GRIK2: variants seen among roughly 807,000 people sequenced by gnomAD.
GRIK2 encodes glutamate receptor ionotropic, kainate 2.
Under a neutral mutation model 100.3 loss-of-function variants are expected in GRIK2, and 32 were observed. The ratio of observed to expected loss-of-function variants is 0.32; its 90% CI spans 0.24 to 0.43. The LOEUF (loss-of-function observed/expected upper bound fraction) is 0.43, where lower values mean the gene tolerates loss of function less well. Ranked by LOEUF, GRIK2 falls within the 20% of genes least tolerant of loss-of-function variation. The probability of loss-of-function intolerance (pLI) is 1.00; values close to 1 mark genes in which losing one functional copy is unlikely to be tolerated. For synonymous variants in GRIK2, 417 were observed against 389.4 expected, an observed-to-expected ratio of 1.07 and a Z score of -0.83; for missense variants, 843 against 1,114.9, an observed-to-expected ratio of 0.76 and a Z score of 3.47.
At chr6:101,396,013 C>T (rs1774990915) in intron 1 of GRIK2, among the ~76,000 whole-genome samples, 3 of 152,206 alleles carry the variant, frequency 2.0e-5, no homozygotes, top group East Asian at 1.9e-4. Context: ...TTTCTCTTTC[C>T]TTTAAGGAAG....
At chr6:101,558,184 G>A (rs1472139282) in intron 2 of GRIK2, among the ~76,000 whole-genome samples, 2 of 152,138 alleles carry the variant, frequency 1.3e-5, no homozygotes, top group Non-Finnish European at 2.9e-5. Context: ...ACTCAACCAT[G>A]CAGAAGGCTG....
intron 7 of GRIK2, among the ~76,000 whole-genome samples, chr6:101,751,890 G>A (rs766054835): frequency 3.3e-5 from 5 of 152,132 alleles, no homozygotes; most frequent in Non-Finnish European, 5.9e-5. Flanking sequence ...TGTGATGTTA[G>A]GAACCAGTGA....
At chr6:102,009,831 G>A (rs1012279230) in intron 14 of GRIK2, among the ~76,000 whole-genome samples, 28 of 151,966 alleles carry the variant, frequency 1.8e-4, no homozygotes, top group African/African-American at 6.8e-4. Flanking sequence ...TGAGATGCAT[G>A]GTAAATTGAG....
intron 2 of GRIK2, among the ~76,000 whole-genome samples, chr6:101,563,453 A>T (rs902739904): frequency 1.3e-5 from 2 of 152,180 alleles, no homozygotes; most frequent in East Asian, 3.8e-4. Flanking sequence ...TACCATGTAG[A>T]GCATTCATTT....
In GRIK2 at chr6:101,684,286, C is replaced by G. The variant is rs945802; in HGVS notation, c.777+1680C>G. Among the ~76,000 whole-genome samples the G allele has an allele frequency of 2.0e-3, 310 of 152,236 alleles. 2 individuals carry two copies. Among genetic ancestry groups the G allele is most frequent in the African/African-American group, 7.3e-3 (304 of 41,520 alleles). ...GATTTTGGGGAAATCAAAAGTATCTCTCAATAGGGAAAATAAATGAAACAA... is the reference window on the plus strand; with the variant it reads ...GATTTTGGGGAAATCAAAAGTATCTGTCAATAGGGAAAATAAATGAAACAA... On this transcript the variant is annotated intron_variant, in intron 6 of 16. Coordinates refer to ENST00000369134, the MANE Select transcript of GRIK2 (RefSeq NM_021956.5).
intron 2 of GRIK2, among the ~76,000 whole-genome samples, chr6:101,533,432 A>G (rs555872659): frequency 6.2e-4 from 94 of 152,082 alleles, no homozygotes; most frequent in African/African-American, 1.8e-3. Context: ...AGAAATTTAA[A>G]ATCAGTTAAC....
At chr6:101,526,374 T>G (rs920088617) in intron 2 of GRIK2, among the ~76,000 whole-genome samples, 1 of 152,126 alleles carries the variant, frequency 6.6e-6, no homozygotes, top group African/African-American at 2.4e-5. Flanking sequence ...ATAATTAGAG[T>G]ATATTTAGAA....
intron 14 of GRIK2, among the ~76,000 whole-genome samples, chr6:101,975,120 T>C (rs1793286627): frequency 6.6e-6 from 1 of 151,954 alleles, no homozygotes; most frequent in Non-Finnish European, 1.5e-5. Flanking sequence ...GAGTGAGTTA[T>C]AGAACCACAA....
At chr6:101,429,607 A>G (rs981227953) in intron 2 of GRIK2, among the ~76,000 whole-genome samples, 2 of 152,200 alleles carry the variant, frequency 1.3e-5, no homozygotes, top group Non-Finnish European at 2.9e-5. Flanking sequence ...GTAAGGAGCC[A>G]TAAAGAGGTC....
intron 2 of GRIK2, among the ~76,000 whole-genome samples, chr6:101,544,673 CTA>C (rs1323666270): frequency 6.6e-6 from 1 of 152,176 alleles, no homozygotes; most frequent in Non-Finnish European, 1.5e-5. Context: ...AGTGCCTCCT[CTA>C]TGCTATGCTC....
intron 10 of GRIK2, among the ~76,000 whole-genome samples, chr6:101,835,532 A>G (rs1783020072): frequency 7.5e-6 from 1 of 132,724 alleles, no homozygotes; most frequent in Admixed American, 8.9e-5. Context: ...TTGTAGTGGC[A>G]TGACCTCGGC....
At chr6:101,452,569 C>T (rs936310195) in intron 2 of GRIK2, among the ~76,000 whole-genome samples, 4 of 151,644 alleles carry the variant, frequency 2.6e-5, no homozygotes, top group Non-Finnish European at 5.9e-5. Flanking sequence ...GACACTATGA[C>T]ATTTTATTTT....
intron 14 of GRIK2, among the ~76,000 whole-genome samples, chr6:101,991,513 T>G (rs1345527759): frequency 6.6e-6 from 1 of 151,196 alleles, no homozygotes; most frequent in Admixed American, 6.6e-5. Flanking sequence ...TAGGTTTTTA[T>G]GTTAGCAAAA....
intron 10 of GRIK2, among the ~76,000 whole-genome samples, chr6:101,845,537 A>T (rs1783757312): frequency 6.6e-6 from 1 of 152,182 alleles, no homozygotes; most frequent in Non-Finnish European, 1.5e-5. Context: ...ATGCATATTC[A>T]TCATTTAGTT....
intron 2 of GRIK2, among the ~76,000 whole-genome samples, chr6:101,525,814 A>G (rs1775123780): frequency 6.6e-6 from 1 of 152,190 alleles, no homozygotes; most frequent in Non-Finnish European, 1.5e-5. Flanking sequence ...CTGTTACATG[A>G]GGGAGGATTA....
chr6:102,053,308 C>A (rs1771298994), intron 15 of GRIK2, among the ~76,000 whole-genome samples: 1 of 151,968 alleles, frequency 6.6e-6, no homozygotes, highest in Non-Finnish European at 1.5e-5. Flanking sequence ...GAAAATATAT[C>A]ATTATCAGAA....
intron 12 of GRIK2, among the ~76,000 whole-genome samples, chr6:101,911,876 G>A (rs1397862864): frequency 1.3e-5 from 2 of 151,268 alleles, no homozygotes; most frequent in Non-Finnish European, 3.0e-5. Flanking sequence ...AGCTTTAATT[G>A]CATTATTATA....
intron 2 of GRIK2, among the ~76,000 whole-genome samples, chr6:101,500,512 G>A (rs975198604): frequency 6.6e-6 from 1 of 152,002 alleles, no homozygotes; most frequent in African/African-American, 2.4e-5. Context: ...TTTGGTGAAT[G>A]ATTTTCAACA....
intron 14 of GRIK2, among the ~76,000 whole-genome samples, chr6:101,933,963 G>A (rs1185932366): frequency 2.0e-5 from 3 of 151,722 alleles, no homozygotes; most frequent in African/African-American, 4.8e-5. Context: ...TTTCTTGGGA[G>A]ATTTTTCTCT....
Sources: allele counts gnomAD v4.1 joint callset (sites outside exome capture counted in the v4.1 genomes callset), GRCh38; gene constraint gnomAD v4.1.1; transcripts MANE v1.5; gene names NCBI Gene and HGNC (gene_info 2026-07-23, HGNC 2026-07-21).